The following EXOC4 variants were observed in gnomAD, a reference collection of about 807,000 sequenced individuals.
EXOC4 encodes the protein exocyst complex component 4, also known as SEC8-like 1.
Under a neutral mutation model 107.2 loss-of-function variants are expected in EXOC4, and 71 were observed. The ratio of observed to expected loss-of-function variants is 0.66; its 90% CI spans 0.55 to 0.81. The LOEUF (loss-of-function observed/expected upper bound fraction) is 0.81, where lower values mean the gene tolerates loss of function less well. Ranked by LOEUF, EXOC4 falls within the 30% of genes least tolerant of loss-of-function variation. The pLI, the probability that EXOC4 is intolerant of heterozygous loss-of-function variation, is 0.00. For synonymous variants in EXOC4, 456 were observed against 441.2 expected (o/e 1.03, Z -0.42); for missense variants, 1,108 against 1,189.6 (o/e 0.93, Z 1.01).
intron 10 of EXOC4, among the ~76,000 whole-genome samples, chr7:133,757,360 A>T (rs1051937448): frequency 2.0e-5 from 3 of 152,142 alleles, no homozygotes; most frequent in Non-Finnish European, 4.4e-5. Context: ...TCTTACTTTT[A>T]AAAAAATGCA....
At chr7:133,275,413 T>G (rs1263135044) in intron 2 of EXOC4, among the ~76,000 whole-genome samples, 1 of 152,138 alleles carries the variant, frequency 6.6e-6, no homozygotes, top group Non-Finnish European at 1.5e-5. Context: ...CACTGCAGTG[T>G]GGAATGAGAC....
chr7:133,700,275 A>G (rs1794627674), intron 10 of EXOC4, among the ~76,000 whole-genome samples: 1 of 152,234 alleles, frequency 6.6e-6, no homozygotes, highest in African/African-American at 2.4e-5. Flanking sequence ...ATGTTAACAG[A>G]AGCCCTCTTC....
rs138910649 is a variant in EXOC4, at chr7:133,844,224, G to A, written c.1734+26680G>A. Among the ~76,000 whole-genome samples the A allele has an allele frequency of 2.4e-3, 364 of 152,068 alleles. 5 individuals are homozygous for A. The highest frequency in any genetic ancestry group is 8.2e-3 in the African/African-American group (340 of 41,498). On this transcript the variant is annotated intron_variant, in intron 11 of 17. Transcript: ENST00000253861. ...CTCCTTCTCAATTTTTTGGAATAGA[G>A]TGGTACCGGCTCTTCTTTATACATC...
chr7:133,952,752 G>A (rs1460668165), intron 14 of EXOC4, among the ~76,000 whole-genome samples: 1 of 152,160 alleles, frequency 6.6e-6, no homozygotes, highest in East Asian at 1.9e-4. Flanking sequence ...AGTATTTGTT[G>A]TTTTGTGACT....
At chr7:133,850,068 A>C (rs2116249273) in intron 11 of EXOC4, among the ~76,000 whole-genome samples, 1 of 152,310 alleles carries the variant, frequency 6.6e-6, no homozygotes, top group South Asian at 2.1e-4. Flanking sequence ...GTAGAATGTC[A>C]ATTTCTTTGA....
intron 12 of EXOC4, among the ~76,000 whole-genome samples, chr7:133,903,643 A>G (rs919130435): frequency 6.6e-6 from 1 of 152,178 alleles, no homozygotes; most frequent in Non-Finnish European, 1.5e-5. Flanking sequence ...TCTCTTAGCC[A>G]TGTGGGGGAG....
At chr7:133,839,375 GT>G (rs1317971226) in intron 11 of EXOC4, among the ~76,000 whole-genome samples, 1 of 152,188 alleles carries the variant, frequency 6.6e-6, no homozygotes, top group Non-Finnish European at 1.5e-5. Context: ...GATTTTAAAT[GT>G]TTTTTAATAA....
At chr7:133,507,082 A>G (rs1379748824) in intron 9 of EXOC4, among the ~76,000 whole-genome samples, 1 of 152,138 alleles carries the variant, frequency 6.6e-6, no homozygotes, top group African/African-American at 2.4e-5. Context: ...TTTTGATACT[A>G]TGATTTCTTT....
At chr7:133,478,615 A>T (rs1412490522) in intron 8 of EXOC4, among the ~76,000 whole-genome samples, 1 of 152,144 alleles carries the variant, frequency 6.6e-6, no homozygotes, top group Non-Finnish European at 1.5e-5. Flanking sequence ...AAAATACATC[A>T]AGTCATAAAG....
intron 6 of EXOC4, among the ~76,000 whole-genome samples, chr7:133,372,554 T>TC (rs143003654): frequency 0.15 from 23,306 of 152,092 alleles, 2,104 homozygotes; most frequent in Non-Finnish European, 0.2. Context: ...GTTTTTTTTT[T>TC]CTCTAAATGT....
At chr7:134,017,871 A>G (rs1348127529) in intron 17 of EXOC4, among the ~76,000 whole-genome samples, 1 of 152,208 alleles carries the variant, frequency 6.6e-6, no homozygotes, top group African/African-American at 2.4e-5. Context: ...TTGTATATAT[A>G]TATTGTCAAT....
At chr7:133,342,492 A>G (rs1036760144) in intron 5 of EXOC4, among the ~76,000 whole-genome samples, 17 of 152,210 alleles carry the variant, frequency 1.1e-4, no homozygotes, top group Non-Finnish European at 1.8e-4. Context: ...CCTAATGACT[A>G]TATGCCCAAG....
Position 133,356,404 on chromosome 7 carries a change from G to A in EXOC4, c.838G>A (p.Gly280Ser), listed in dbSNP as rs750491430. The part of the protein sequence containing the change: ...DPEENSTLFM[G>S]ILIKGLAKLK... The stretch of plus-strand genomic sequence containing the variant: ...AGAGGAAAACAGCACCCTGTTTATG[G>A]GTATCCTCATTAAGGGCTTGGCGAA... Residue 280 changes from glycine (G) to serine (S), a missense_variant, in exon 6 of 18, where the codon GGT becomes AGT. Transcript: ENST00000253861. 7 of 1,613,926 alleles carry A rather than the reference G, an allele frequency of 4.3e-6. No individual in the cohort carries two copies. Among genetic ancestry groups the A allele is most frequent in the Middle Eastern group, 1.6e-4 (1 of 6,084 alleles).
intron 7 of EXOC4, among the ~76,000 whole-genome samples, chr7:133,380,590 T>C (rs1796595939): frequency 6.6e-6 from 1 of 152,198 alleles, no homozygotes; most frequent in Non-Finnish European, 1.5e-5. Flanking sequence ...ATTTTTATCA[T>C]AGATCTATGA....
intron 10 of EXOC4, among the ~76,000 whole-genome samples, chr7:133,810,976 G>A (rs2551001): frequency 0.98 from 149,885 of 152,248 alleles, 73,846 homozygotes; most frequent in Middle Eastern, 1. Context: ...AGTCAGTTGC[G>A]TACTCGCATT....
At chr7:133,895,830 A>C in intron 12 of EXOC4, 95 bp downstream of exon 12, 1 of 1,357,588 alleles carries the variant, frequency 7.4e-7, no homozygotes, top group Non-Finnish European at 1.0e-6. Flanking sequence ...TTCCAAAAGG[A>C]TCATCTCTGA....
chr7:134,018,432 C>T (rs1266739718), intron 17 of EXOC4, among the ~76,000 whole-genome samples: 1 of 152,074 alleles, frequency 6.6e-6, no homozygotes, highest in African/African-American at 2.4e-5. Context: ...GAAGAAAGCC[C>T]TTCTCTTCAT....
At chr7:133,342,576 A>T (rs1203311477) in intron 5 of EXOC4, among the ~76,000 whole-genome samples, 1 of 152,182 alleles carries the variant, frequency 6.6e-6, no homozygotes, top group Non-Finnish European at 1.5e-5. Flanking sequence ...ATCTCTAGCA[A>T]GGCCAGGGAA....
intron 7 of EXOC4, among the ~76,000 whole-genome samples, chr7:133,393,313 A>G (rs532763643): frequency 1.1e-4 from 17 of 152,300 alleles, no homozygotes; most frequent in Admixed American, 2.0e-4. Context: ...ATGTCTTTAA[A>G]TTTCTCACAA....
Sources: gnomAD v4.1 joint callset for allele counts (sites outside exome capture counted in the v4.1 genomes callset) on GRCh38, gnomAD v4.1.1 for gene constraint, MANE v1.5 for transcripts, NCBI Gene and HGNC (gene_info 2026-07-23, HGNC 2026-07-21) for gene names.